Variants in NFIC observed in about 807,000 individuals in gnomAD.
NFIC encodes nuclear factor 1 C-type.
NFIC carries 12 observed loss-of-function variants against 54.4 expected under a neutral mutation model. The ratio of observed to expected loss-of-function variants is 0.22; its 90% CI spans 0.14 to 0.36. The LOEUF is 0.36. Among genes scored for constraint, NFIC ranks in the 10% least tolerant of loss-of-function variants. The pLI is 1.00. For missense variants in NFIC, 575 were observed against 718.2 expected (o/e 0.80, Z 2.28); for synonymous variants, 322 against 319.2 (o/e 1.01, Z -0.09).
chr19:3,463,957 G>GC lies in NFIC; in HGVS notation c.*1195dup, dbSNP rs552856362. 5.0e-5 allele frequency: 49 copies of GC among 983,600 alleles called. No individual in the cohort carries two copies. In the African/African-American group the frequency reaches 5.8e-4, roughly 12 times the overall value. 60.9% of individuals were successfully genotyped at this position (983,600 alleles called of 1,614,324 possible). A position where few individuals can be genotyped will look rare whatever the true frequency, so the allele number is the denominator to read the frequency against. On this transcript the variant is annotated 3_prime_UTR_variant, in exon 11 of 11. Coordinates refer to ENST00000443272, the MANE Select transcript of NFIC (RefSeq NM_001245002.2). ...CCCTCCAGTCAACCCTCATCGCCGT[G>GC]CCCCCCCAGAGCTAGAGAGATGGGG...
chr19:3,366,527 CGCGGGGCG>C, upstream of NFIC: 1 of 366,412 alleles, frequency 2.7e-6, no homozygotes, highest in Non-Finnish European at 3.9e-6. Flanking sequence ...GCGCGCCGGC[CGCGGGGCG>C]GGGGGGGGGG....
chr19:3,452,818 G>A lies in NFIC; in HGVS notation c.1269+152G>A. 2.0e-6 allele frequency: 2 copies of A among 977,400 alleles called. No individual in the cohort carries two copies. The highest frequency in any genetic ancestry group is 1.6e-5 in the South Asian group (1 of 60,710). The allele number at this position is 977,400 out of a possible 1,614,324, so 60.5% of individuals were successfully genotyped here. ...TCCTCTGTCGTGCTGGGAGGCAGCTGGATTGGGTCAGAATTGAGATGCTTT... is the reference window on the plus strand; with the variant it reads ...TCCTCTGTCGTGCTGGGAGGCAGCTAGATTGGGTCAGAATTGAGATGCTTT... On this transcript the variant is annotated intron_variant, in intron 8 of 10. Coordinates refer to ENST00000443272, the MANE Select transcript of NFIC (RefSeq NM_001245002.2). The surrounding 1 kb of genome is among the most constrained non-coding windows in gnomAD (Gnocchi z 5.3).
intron 10 of NFIC, among the ~76,000 whole-genome samples, chr19:3,460,518 T>G (rs1202916926): frequency 6.6e-6 from 1 of 152,078 alleles, no homozygotes; most frequent in African/African-American, 2.4e-5. Context: ...TTTTTTGGTT[T>G]TTTTGGTTTT....
intron 6 of NFIC, 136 bp from the exon 7 acceptor site, chr19:3,448,878 C>T: frequency 7.3e-7 from 1 of 1,372,110 alleles, no homozygotes; most frequent in South Asian, 1.5e-5. Flanking sequence ...CTCACAGCCT[C>T]TCCCCCTCAG....
chr19:3,390,179 G>A (rs1057009341), intron 2 of NFIC, among the ~76,000 whole-genome samples: 1 of 152,210 alleles, frequency 6.6e-6, no homozygotes, highest in African/African-American at 2.4e-5. Context: ...CCCTTTCCAG[G>A]TGTCTGGACA....
At chr19:3,371,991 C>T (rs1449600398) in intron 1 of NFIC, among the ~76,000 whole-genome samples, 1 of 78,914 alleles carries the variant, frequency 1.3e-5, no homozygotes, top group African/African-American at 5.4e-5. Flanking sequence ...CTCTCTCCCT[C>T]TCTCTCCCTC....
At chr19:3,366,965 C>T (rs1020619893) in intron 1 of NFIC, among the ~76,000 whole-genome samples, 14 of 149,062 alleles carry the variant, frequency 9.4e-5, no homozygotes, top group Non-Finnish European at 1.7e-4. Flanking sequence ...TGCGTCCCCC[C>T]CCCACACACC....
intron 2 of NFIC, among the ~76,000 whole-genome samples, chr19:3,416,532 T>C (rs1192454421): frequency 6.6e-6 from 1 of 151,234 alleles, no homozygotes; most frequent in African/African-American, 2.4e-5. Flanking sequence ...TTATTATTAT[T>C]ATTTTTGAGA....
At chr19:3,454,239 C>G in intron 9 of NFIC, 1 of 1,176,236 alleles carries the variant, frequency 8.5e-7, no homozygotes, top group Non-Finnish European at 1.1e-6. Flanking sequence ...ACAGTGGACA[C>G]GGATCTCACA....
Position 3,381,650 on chromosome 19 carries a change from G to A in NFIC, c.31-62G>A, listed in dbSNP as rs1429340976. On this transcript the variant is annotated intron_variant, in intron 1 of 10. Transcript: ENST00000443272. ...CCCTCCGACCTCAGCCTTCGGGGCCGGGCAGTGGGTCCGCCCTCTGCGTCC... is the reference window on the plus strand; with the variant it reads ...CCCTCCGACCTCAGCCTTCGGGGCCAGGCAGTGGGTCCGCCCTCTGCGTCC... 2.0e-5 allele frequency: 31 copies of A among 1,565,992 alleles called. No homozygotes were observed. The East Asian group carries it at 4.2e-4, about 21-fold the overall frequency.
In NFIC at chr19:3,435,237, C is replaced by T. The variant is rs373130087; in HGVS notation, c.958+30C>T. On this transcript the variant is annotated intron_variant, in intron 6 of 10. Coordinates refer to ENST00000443272, the MANE Select transcript of NFIC (RefSeq NM_001245002.2). ...GGCTGGTGGCGGGGGCGGAGCCGGC[C>T]TTCCGGTCTGAGTCACCGTGGCGGG... 13 of 1,541,344 alleles carry T rather than the reference C, an allele frequency of 8.4e-6. No individual in the cohort carries two copies. In the African/African-American group the frequency reaches 1.1e-4, roughly 13 times the overall value.
chr19:3,421,270 C>T lies in NFIC; in HGVS notation c.563-3836C>T, dbSNP rs549262032. Among the ~76,000 whole-genome samples the T allele has an allele frequency of 2.7e-4, 40 of 147,500 alleles. 1 individual carries two copies. Among genetic ancestry groups the T allele is most frequent in the Admixed American group, 2.4e-3 (36 of 15,136 alleles). ...AGCTGGGCACTGCGGCCTGCTGAGA[C>T]GCCAGCTGGGCACTGCAGCCTGCTG... is the stretch of plus-strand genomic sequence containing the variant. On this transcript the variant is annotated intron_variant, in intron 2 of 10. Coordinates refer to ENST00000443272, the MANE Select transcript of NFIC (RefSeq NM_001245002.2).
intron 3 of NFIC, 42 bp from the exon 4 acceptor site, chr19:3,433,476 G>A: frequency 6.2e-7 from 1 of 1,607,644 alleles, no homozygotes; most frequent in Non-Finnish European, 8.5e-7. Flanking sequence ...AAGGGAAACA[G>A]GCCCAGCTCA....
intron 2 of NFIC, among the ~76,000 whole-genome samples, chr19:3,408,179 G>C (rs939295112): frequency 2.0e-5 from 3 of 152,144 alleles, no homozygotes; most frequent in Admixed American, 1.3e-4. Context: ...CCTGGGCTCC[G>C]TGAGGTCCAG....
chr19:3,441,785 G>C (rs1021217148), intron 6 of NFIC, among the ~76,000 whole-genome samples: 5 of 152,196 alleles, frequency 3.3e-5, no homozygotes, highest in Non-Finnish European at 7.4e-5. Context: ...TCCGCAGAGG[G>C]AGGACACAAA....
chr19:3,375,213 C>T lies in NFIC; in HGVS notation c.31-6499C>T, dbSNP rs1158092948. On this transcript the variant is annotated intron_variant, in intron 1 of 10. Transcript: ENST00000443272. This position sits in a 1 kb window ranked among gnomAD's most constrained non-coding sequence, Gnocchi z 4.6. ...TGGATGCCTCCCCTGTCCCTTCCAGCAGCCTCTTATCACAGCCCCAGTAAG... is the reference window on the plus strand; with the variant it reads ...TGGATGCCTCCCCTGTCCCTTCCAGTAGCCTCTTATCACAGCCCCAGTAAG... Among the ~76,000 whole-genome samples the T allele has an allele frequency of 6.6e-6, 1 of 152,152 alleles. No individual in the cohort carries two copies. The highest frequency in any genetic ancestry group is 1.9e-4 in the East Asian group (1 of 5,186).
chr19:3,383,134 C>T (rs907066677), intron 2 of NFIC, among the ~76,000 whole-genome samples: 1 of 145,384 alleles, frequency 6.9e-6, no homozygotes, highest in African/African-American at 2.5e-5. Context: ...CATCCCAGCC[C>T]TCCGAGGAGA....
chr19:3,434,968 A>T lies in NFIC; in HGVS notation c.834-115A>T. The T allele has an allele frequency of 3.7e-6, 5 of 1,357,718 alleles. No homozygotes were observed. The South Asian group carries it at 6.0e-5, about 16-fold the overall frequency. 84.1% of individuals were successfully genotyped at this position (1,357,718 alleles called of 1,614,324 possible). A position where few individuals can be genotyped will look rare whatever the true frequency, so the allele number is the denominator to read the frequency against. ...CCCGCGGCTCCCGCGATGTCTCGCG[A>T]TACTACCTCCCTCGCCCCCGCTCAC... On this transcript the variant is annotated intron_variant, in intron 5 of 10. Coordinates refer to ENST00000443272, the MANE Select transcript of NFIC (RefSeq NM_001245002.2).
chr19:3,444,754 C>T (rs1250230719), intron 6 of NFIC, among the ~76,000 whole-genome samples: 1 of 152,214 alleles, frequency 6.6e-6, no homozygotes, highest in Non-Finnish European at 1.5e-5. Context: ...ACAACCCTAA[C>T]CTCGTTCCCG....
Sources: allele counts gnomAD v4.1 joint callset (sites outside exome capture counted in the v4.1 genomes callset), GRCh38; gene constraint gnomAD v4.1.1; non-coding constraint Gnocchi (gnomAD v3.1); transcripts MANE v1.5; gene names NCBI Gene and HGNC (gene_info 2026-07-23, HGNC 2026-07-21).